The following PCNX2 variants were observed in gnomAD, a reference collection of about 807,000 sequenced individuals.
The protein encoded by PCNX2 is pecanex-like protein 2.
PCNX2 carries 168 observed loss-of-function variants against 223.8 expected under a neutral mutation model. The observed-to-expected ratio is 0.75, with a 90% CI of 0.66 to 0.85. The LOEUF (loss-of-function observed/expected upper bound fraction) is 0.85, where lower values mean the gene tolerates loss of function less well. Among genes scored for constraint, PCNX2 ranks in the 40% least tolerant of loss-of-function variants. The probability of loss-of-function intolerance (pLI) is 0.00; values close to 1 mark genes in which losing one functional copy is unlikely to be tolerated. For missense variants in PCNX2, 2,507 were observed against 2,675.5 expected (o/e 0.94, Z 1.39); for synonymous variants, 1,006 against 1,052.6 (o/e 0.96, Z 0.86).
intron 21 of PCNX2, among the ~76,000 whole-genome samples, chr1:233,111,192 GC>G (rs1464739055): frequency 6.6e-6 from 1 of 152,108 alleles, no homozygotes; most frequent in Non-Finnish European, 1.5e-5. Flanking sequence ...TGCTAGGTCT[GC>G]CTCTTATTAG....
chr1:233,283,012 T>C (rs943258075), intron 1 of PCNX2, among the ~76,000 whole-genome samples: 2 of 116,478 alleles, frequency 1.7e-5, no homozygotes, highest in African/African-American at 2.9e-5. Flanking sequence ...TTACTGGTGA[T>C]GCGTATTCTA....
At chr1:233,279,446 G>A (rs552382780) in intron 1 of PCNX2, among the ~76,000 whole-genome samples, 6 of 150,836 alleles carry the variant, frequency 4.0e-5, no homozygotes, top group Admixed American at 3.3e-4. Context: ...ATATGTGTGT[G>A]TATATATATA....
rs866652069 is a variant in PCNX2, at chr1:233,289,519, T to C, written c.153+5807A>G. 49 of 690,790 alleles carry C rather than the reference T, an allele frequency of 7.1e-5. No homozygotes were observed. The African/African-American group carries it at 7.9e-4, about 11-fold the overall frequency. 42.8% of individuals were successfully genotyped at this position (690,790 alleles called of 1,614,324 possible). On this transcript the variant is annotated intron_variant, in intron 1 of 33. Transcript: ENST00000258229. ...GAAGGATGCCTTTTAAGCAACTCCATGCTGCAGGCTCTTCGCCTGAAATAC... is the reference window on the plus strand; with the variant it reads ...GAAGGATGCCTTTTAAGCAACTCCACGCTGCAGGCTCTTCGCCTGAAATAC...
chr1:233,032,863 G>T, intron 25 of PCNX2: 2 of 524,388 alleles, frequency 3.8e-6, no homozygotes, highest in Non-Finnish European at 4.9e-6. Flanking sequence ...CTTAGTTCAG[G>T]TGAGTCTTGG....
chr1:233,327,020 G>C, the PCNX2 span, among the ~76,000 whole-genome samples: 1 of 152,070 alleles, frequency 6.6e-6, no homozygotes, highest in Non-Finnish European at 1.5e-5. Context: ...TGAGATGCAC[G>C]GTGGCTCAAA....
chr1:233,238,079 T>C (rs1658526376), intron 8 of PCNX2, among the ~76,000 whole-genome samples: 1 of 152,154 alleles, frequency 6.6e-6, no homozygotes, highest in African/African-American at 2.4e-5. Context: ...AGGGAACTAG[T>C]TTTTTGATGA....
At chr1:233,310,434 C>T in the PCNX2 span, among the ~76,000 whole-genome samples, 1 of 152,248 alleles carries the variant, frequency 6.6e-6, no homozygotes, top group African/African-American at 2.4e-5. Context: ...AGAGGAGACC[C>T]CTGGTTGTCT....
rs139140707 is a variant in PCNX2, at chr1:233,057,524, G to A, written c.4077-234C>T. 1.7e-3 allele frequency: 825 copies of A among 478,392 alleles called. 3 individuals are homozygous for A. Among genetic ancestry groups the A allele is most frequent in the African/African-American group, 0.014 (725 of 51,260 alleles). 29.6% of individuals were successfully genotyped at this position (478,392 alleles called of 1,614,324 possible). On this transcript the variant is annotated intron_variant, in intron 23 of 33. Coordinates refer to ENST00000258229, the MANE Select transcript of PCNX2 (RefSeq NM_014801.4). ...GAGATGAGTAGCTCTCTGATTTGGAGAGAACGGTCTTGTGTCTTAATCAAT... is the reference window on the plus strand; with the variant it reads ...GAGATGAGTAGCTCTCTGATTTGGAAAGAACGGTCTTGTGTCTTAATCAAT...
chr1:233,137,063 A>G (rs1459404582), intron 20 of PCNX2, among the ~76,000 whole-genome samples: 1 of 152,222 alleles, frequency 6.6e-6, no homozygotes, highest in Non-Finnish European at 1.5e-5. Context: ...TGACCCATAG[A>G]TCATTGTATA....
At chr1:233,186,269 A>C (rs531051891) in intron 15 of PCNX2, among the ~76,000 whole-genome samples, 1 of 152,316 alleles carries the variant, frequency 6.6e-6, no homozygotes, top group South Asian at 2.1e-4. Flanking sequence ...TACATCCTAA[A>C]ATAAGAACGA....
At chr1:233,301,022 A>AGAAGT in the PCNX2 span, among the ~76,000 whole-genome samples, 1 of 152,224 alleles carries the variant, frequency 6.6e-6, no homozygotes. Context: ...AGCAAGTAGG[A>AGAAGT]GAAGTCATAC....
intron 17 of PCNX2, among the ~76,000 whole-genome samples, chr1:233,171,655 C>T (rs902990610): frequency 1.4e-4 from 22 of 152,042 alleles, no homozygotes; most frequent in Non-Finnish European, 2.1e-4. Flanking sequence ...TTGTCTGGTG[C>T]GGATTCTTTT....
intron 17 of PCNX2, among the ~76,000 whole-genome samples, chr1:233,163,721 TTC>T (rs1018495862): frequency 6.6e-5 from 10 of 152,088 alleles, no homozygotes; most frequent in African/African-American, 2.4e-4. Context: ...AGCCTTGACT[TTC>T]TGTCTTTAGT....
chr1:233,281,386 A>T (rs1661186307), intron 1 of PCNX2, among the ~76,000 whole-genome samples: 1 of 152,202 alleles, frequency 6.6e-6, no homozygotes, highest in Admixed American at 6.5e-5. Flanking sequence ...AAAGAACTGA[A>T]ACACACAGTA....
rs375212292 is a variant in PCNX2, at chr1:233,213,983, C to T, written c.2691+3916G>A. ...AGCTGGGATTACAGGTGCCTGCCAC[C>T]GTGCCCAGCTAATTTTTGTATTTTT... On this transcript the variant is annotated intron_variant, in intron 12 of 33. Coordinates refer to ENST00000258229, the MANE Select transcript of PCNX2 (RefSeq NM_014801.4). Among the ~76,000 whole-genome samples, 146 of 151,910 alleles carry T rather than the reference C, an allele frequency of 9.6e-4. 2 individuals carry two copies. The South Asian group carries it at 0.029, about 30-fold the overall frequency.
At chr1:233,182,700 C>T (rs1469303825) in intron 15 of PCNX2, among the ~76,000 whole-genome samples, 8 of 151,988 alleles carry the variant, frequency 5.3e-5, no homozygotes, top group African/African-American at 1.9e-4. Context: ...TACATGGTTC[C>T]ATCTGCACAG....
chr1:233,054,464 G>T lies in PCNX2; in HGVS notation c.4155C>A (p.Leu1385=). The change falls in exon 25 of 34, where the codon CTC becomes CTA. Residue 1385 remains leucine (L), a synonymous_variant. Coordinates refer to ENST00000258229, the MANE Select transcript of PCNX2 (RefSeq NM_014801.4). Reference sequence around the variant, plus strand: ...TCAAGTGTTCATAAAAAATGGAATTGAGATTGTTGTCATCATTCCCTAAAG... The same window carrying T: ...TCAAGTGTTCATAAAAAATGGAATTTAGATTGTTGTCATCATTCCCTAAAG... ...ERDPGNDDNN[L]NSIFYEHLTR... 1 of 1,613,224 alleles carries T rather than the reference G, an allele frequency of 6.2e-7. No individual in the cohort carries two copies. The highest frequency in any genetic ancestry group is 8.5e-7 in the Non-Finnish European group (1 of 1,179,348).
intron 4 of PCNX2, 147 bp downstream of exon 4, chr1:233,261,138 G>C: frequency 1.4e-6 from 1 of 707,410 alleles, no homozygotes; most frequent in Non-Finnish European, 2.3e-6. Context: ...AAAATTAAGA[G>C]TTAAAGAAAC....
At chr1:233,032,336 C>T (rs1671299043) in intron 25 of PCNX2, among the ~76,000 whole-genome samples, 1 of 152,200 alleles carries the variant, frequency 6.6e-6, no homozygotes, top group Non-Finnish European at 1.5e-5. Context: ...CTCCCAATCT[C>T]AGGTGATCCA....
Sources: gnomAD v4.1 joint callset for allele counts (sites outside exome capture counted in the v4.1 genomes callset) on GRCh38, gnomAD v4.1.1 for gene constraint, MANE v1.5 for transcripts, NCBI Gene and HGNC (gene_info 2026-07-23, HGNC 2026-07-21) for gene names.